The following KIF13B variants were observed in gnomAD, a reference collection of about 807,000 sequenced individuals.
KIF13B encodes kinesin-like protein KIF13B.
A neutral mutation model predicts 222.0 loss-of-function variants in KIF13B; 127 were observed. The ratio of observed to expected loss-of-function variants is 0.57; its 90% CI spans 0.50 to 0.66. KIF13B has a LOEUF of 0.66. Ranked by LOEUF, KIF13B falls within the 30% of genes least tolerant of loss-of-function variation. KIF13B has a pLI of 0.00. For synonymous variants in KIF13B, 976 were observed against 919.0 expected (o/e 1.06, Z -1.12); for missense variants, 2,173 against 2,379.0 (o/e 0.91, Z 1.80).
chr8:29,090,349 T>C (rs1808237428), intron 37 of KIF13B, among the ~76,000 whole-genome samples: 1 of 152,126 alleles, frequency 6.6e-6, no homozygotes, highest in Non-Finnish European at 1.5e-5. Flanking sequence ...GATTTATGCA[T>C]GGAAGGAAAC....
At chr8:29,227,451 G>A (rs1035824632) in intron 2 of KIF13B, among the ~76,000 whole-genome samples, 42 of 151,970 alleles carry the variant, frequency 2.8e-4, no homozygotes, top group Non-Finnish European at 4.6e-4. Flanking sequence ...CACCACACCC[G>A]GCTAATTTTT....
At chr8:29,095,244 CCAAA>C (rs1443162238) in intron 36 of KIF13B, among the ~76,000 whole-genome samples, 4 of 152,162 alleles carry the variant, frequency 2.6e-5, no homozygotes, top group East Asian at 3.9e-4. Context: ...AGTAGGTGAA[CCAAA>C]CAAAGATACC....
intron 2 of KIF13B, 83 bp downstream of exon 2, chr8:29,245,263 A>C: frequency 1.1e-6 from 1 of 913,362 alleles, no homozygotes; most frequent in Non-Finnish European, 1.7e-6. Context: ...TTCGATATCT[A>C]TTCAATGCAA....
At chr8:29,218,236 C>G (rs934782507) in intron 2 of KIF13B, among the ~76,000 whole-genome samples, 5 of 152,132 alleles carry the variant, frequency 3.3e-5, no homozygotes, top group Admixed American at 3.3e-4. Context: ...TAAATTTAGC[C>G]CAGTGCCTGC....
chr8:29,147,390 A>G lies in KIF13B; in HGVS notation c.2024+2T>C, dbSNP rs367573230. ...GTTAACAGGCCCCTCTGTGCCGCCT[A>G]CCTCTCCTCAGCCCACTGTCTTAAG... On this transcript the variant is annotated splice_donor_variant, in intron 17 of 39. Coordinates refer to ENST00000524189, the MANE Select transcript of KIF13B (RefSeq NM_015254.4). LOFTEE classifies it high-confidence loss of function. The G allele has an allele frequency of 4.1e-5, 65 of 1,598,164 alleles. No homozygotes were observed. Among genetic ancestry groups the G allele is most frequent in the Non-Finnish European group, 5.5e-5 (64 of 1,172,700 alleles).
intron 2 of KIF13B, among the ~76,000 whole-genome samples, chr8:29,225,820 T>C (rs1230090771): frequency 6.6e-6 from 1 of 152,190 alleles, no homozygotes; most frequent in Non-Finnish European, 1.5e-5. Flanking sequence ...TAATACAGTT[T>C]CCAAATGTTC....
chr8:29,207,668 C>G (rs942297729), intron 2 of KIF13B, among the ~76,000 whole-genome samples: 3 of 150,870 alleles, frequency 2.0e-5, no homozygotes, highest in African/African-American at 7.3e-5. Flanking sequence ...ATCAACTATT[C>G]AGAATATACT....
rs1810053338 is a variant in KIF13B, at chr8:29,125,185, TG to T, written c.3253-1063del. On this transcript the variant is annotated intron_variant, in intron 26 of 39. Coordinates refer to ENST00000524189, the MANE Select transcript of KIF13B (RefSeq NM_015254.4). ...ACAACATGTAAATGCTTCTCTCACTTGTTTTTATGCATTTTGTGGGGCAACA... is the reference window on the plus strand; with the variant it reads ...ACAACATGTAAATGCTTCTCTCACTTTTTTTATGCATTTTGTGGGGCAACA... Among the ~76,000 whole-genome samples, 6 of 152,378 alleles carry T rather than the reference TG, an allele frequency of 3.9e-5. No homozygotes were observed. The South Asian group carries it at 1.2e-3, about 32-fold the overall frequency.
At chr8:29,227,538 C>A (rs527663990) in intron 2 of KIF13B, among the ~76,000 whole-genome samples, 110 of 152,248 alleles carry the variant, frequency 7.2e-4, no homozygotes, top group Non-Finnish European at 9.7e-4. Flanking sequence ...TATTTCAATA[C>A]GTATCTGGTT....
intron 1 of KIF13B, among the ~76,000 whole-genome samples, chr8:29,261,945 TAAAC>T: frequency 6.6e-6 from 1 of 152,196 alleles, no homozygotes; most frequent in Non-Finnish European, 1.5e-5. Context: ...ACATAAAAAT[TAAAC>T]AACACTTGAT....
At chr8:29,109,583 C>T (rs1047763618) in intron 33 of KIF13B, 72 bp from the exon 34 acceptor site, 4 of 1,208,228 alleles carry the variant, frequency 3.3e-6, no homozygotes, top group Non-Finnish European at 4.9e-6. Context: ...CCATGTACAG[C>T]AGACTTGCAA....
chr8:29,156,708 A>G (rs2130077035), intron 13 of KIF13B, among the ~76,000 whole-genome samples: 1 of 147,520 alleles, frequency 6.8e-6, no homozygotes, highest in Non-Finnish European at 1.5e-5. Flanking sequence ...TTTTGTAGAG[A>G]CAGGGTCTCA....
intron 7 of KIF13B, among the ~76,000 whole-genome samples, chr8:29,180,962 G>A (rs2130278519): frequency 6.6e-6 from 1 of 152,276 alleles, no homozygotes; most frequent in South Asian, 2.1e-4. Flanking sequence ...TCGACTAGAT[G>A]CTTCCCATTA....
intron 9 of KIF13B, among the ~76,000 whole-genome samples, chr8:29,176,490 T>G (rs1812482804): frequency 6.6e-6 from 1 of 152,090 alleles, no homozygotes; most frequent in Admixed American, 6.5e-5. Context: ...AATTAAACCA[T>G]AGTACAAAGC....
intron 12 of KIF13B, among the ~76,000 whole-genome samples, chr8:29,164,453 A>T (rs1811905310): frequency 6.6e-6 from 1 of 152,236 alleles, no homozygotes; most frequent in South Asian, 2.1e-4. Flanking sequence ...TAGACTACTG[A>T]GAGGATTACA....
At chr8:29,174,477 T>C (rs1019948455) in intron 10 of KIF13B, among the ~76,000 whole-genome samples, 2 of 152,174 alleles carry the variant, frequency 1.3e-5, no homozygotes, top group Non-Finnish European at 2.9e-5. Flanking sequence ...TATTTAGTTA[T>C]GTAAGCTGAC....
chr8:29,161,464 G>C (rs1016736378), intron 12 of KIF13B, among the ~76,000 whole-genome samples: 3 of 152,210 alleles, frequency 2.0e-5, no homozygotes, highest in African/African-American at 7.2e-5. Flanking sequence ...CAGCACTGTG[G>C]GAGGCCAAGG....
chr8:29,173,715 G>A (rs967408143), intron 10 of KIF13B, among the ~76,000 whole-genome samples: 1 of 151,796 alleles, frequency 6.6e-6, no homozygotes, highest in South Asian at 2.1e-4. Context: ...AGGCTGAGGC[G>A]GGTGGATCAC....
chr8:29,116,598 A>G (rs2129668847), intron 31 of KIF13B, among the ~76,000 whole-genome samples: 1 of 152,308 alleles, frequency 6.6e-6, no homozygotes, highest in East Asian at 1.9e-4. Flanking sequence ...AAGAATAACC[A>G]TAATTTGTGA....
Sources: gnomAD v4.1 joint callset for allele counts (sites outside exome capture counted in the v4.1 genomes callset) on GRCh38, gnomAD v4.1.1 for gene constraint, MANE v1.5 for transcripts, NCBI Gene and HGNC (gene_info 2026-07-23, HGNC 2026-07-21) for gene names.